Variants in EYS observed in about 807,000 individuals in gnomAD.
EYS encodes the protein protein eyes shut homolog.
Under a neutral mutation model 282.1 loss-of-function variants are expected in EYS, and 250 were observed. The ratio of observed to expected loss-of-function variants is 0.89; its 90% confidence interval spans 0.80 to 0.98. The LOEUF (loss-of-function observed/expected upper bound fraction) is 0.98. Ranked by LOEUF, EYS falls within the 50% of genes least tolerant of loss-of-function variation. The pLI, the probability that EYS is intolerant of heterozygous loss-of-function variation, is 0.00. For missense variants in EYS, 4,016 were observed against 3,709.0 expected (o/e 1.08, Z -2.15); for synonymous variants, 1,355 against 1,282.9 (o/e 1.06, Z -1.20).
intron 22 of EYS, among the ~76,000 whole-genome samples, chr6:64,658,008 T>A (rs1034205733): frequency 2.0e-5 from 3 of 152,178 alleles, no homozygotes; most frequent in African/African-American, 7.2e-5. Context: ...GATGTAGATT[T>A]GGTCTTTTCA....
chr6:65,162,475 G>A (rs1171573112), intron 12 of EYS, among the ~76,000 whole-genome samples: 1 of 151,158 alleles, frequency 6.6e-6, no homozygotes, highest in Non-Finnish European at 1.5e-5. Context: ...TTAGGCCTGT[G>A]ACTGTAAGTC....
At chr6:65,219,936 T>C (rs907289002) in intron 12 of EYS, among the ~76,000 whole-genome samples, 5 of 152,206 alleles carry the variant, frequency 3.3e-5, no homozygotes, top group Admixed American at 1.3e-4. Context: ...TCAATTATCT[T>C]GCACTGGGTC....
intron 12 of EYS, among the ~76,000 whole-genome samples, chr6:65,274,299 G>A (rs1767983206): frequency 6.6e-6 from 1 of 152,062 alleles, no homozygotes; most frequent in Non-Finnish European, 1.5e-5. Flanking sequence ...AAAAATGCAG[G>A]GGTGGTGATT....
intron 35 of EYS, among the ~76,000 whole-genome samples, chr6:63,938,132 T>A (rs1037903106): frequency 6.6e-6 from 1 of 152,156 alleles, no homozygotes; most frequent in Non-Finnish European, 1.5e-5. Flanking sequence ...TCTGCACAGA[T>A]GAAGATGAGA....
At chr6:64,082,070 A>G (rs1417422246) in intron 31 of EYS, 68 bp from the exon 32 acceptor site, 1 of 1,070,618 alleles carries the variant, frequency 9.3e-7, no homozygotes, top group East Asian at 2.7e-5. Context: ...ATAAAAACTT[A>G]GCATTTATAG....
At chr6:65,182,131 A>C (rs1023475070) in intron 12 of EYS, among the ~76,000 whole-genome samples, 6 of 151,894 alleles carry the variant, frequency 4.0e-5, no homozygotes, top group African/African-American at 1.2e-4. Flanking sequence ...TGGGTGCAGC[A>C]CACCAACATG....
At position 65,212,514 on chromosome 6, in the gene EYS, AT is replaced by A. The variant is rs536259896; in HGVS notation, c.2023+83348del. On this transcript the variant is annotated intron_variant, in intron 12 of 42. Transcript: ENST00000503581. ...TGTTAGCCACTAGTTATGTGTTACT[AT>A]TTAAACATAAATTTTAATTGATCTA... Among the ~76,000 whole-genome samples, 224 of 152,256 alleles carry A rather than the reference AT, an allele frequency of 1.5e-3. 1 individual carries two copies. Among genetic ancestry groups the A allele is most frequent in the African/African-American group, 4.8e-3 (199 of 41,566 alleles).
intron 4 of EYS, 97 bp downstream of exon 4, chr6:65,494,566 C>A: frequency 1.7e-6 from 2 of 1,174,342 alleles, no homozygotes; most frequent in South Asian, 1.5e-5. Context: ...CAGGTGTGAG[C>A]CACCGCATTT....
intron 26 of EYS, among the ~76,000 whole-genome samples, chr6:64,563,610 AT>A (rs1323238728): frequency 6.6e-6 from 1 of 152,106 alleles, no homozygotes; most frequent in African/African-American, 2.4e-5. Flanking sequence ...CATCATTGTA[AT>A]TAACTCATTT....
intron 36 of EYS, among the ~76,000 whole-genome samples, chr6:63,840,211 C>CTTATTATTATTATTATTA (rs377459471): frequency 1.1e-3 from 155 of 140,460 alleles, no homozygotes; most frequent in Middle Eastern, 7.2e-3. Flanking sequence ...CCATGCCCAT[C>CTTATTATTATTATTATTA]TTATTATTAT....
chr6:65,223,784 G>A (rs1766540487), intron 12 of EYS, among the ~76,000 whole-genome samples: 1 of 152,124 alleles, frequency 6.6e-6, no homozygotes, highest in African/African-American at 2.4e-5. Context: ...AGAAGAGACT[G>A]GGGAAGGAAA....
chr6:64,710,527 G>A (rs984943557), intron 22 of EYS, among the ~76,000 whole-genome samples: 7 of 152,194 alleles, frequency 4.6e-5, no homozygotes, highest in South Asian at 2.1e-4. Flanking sequence ...CCCTTGAGCC[G>A]CTTGCTCTGG....
At chr6:65,257,543 C>T (rs1767502276) in intron 12 of EYS, among the ~76,000 whole-genome samples, 2 of 150,030 alleles carry the variant, frequency 1.3e-5, no homozygotes, top group South Asian at 4.2e-4. Flanking sequence ...TTCCCCATTG[C>T]TTGTTTTTCT....
intron 12 of EYS, among the ~76,000 whole-genome samples, chr6:65,076,637 G>T (rs1031114379): frequency 1.1e-4 from 17 of 151,572 alleles, no homozygotes; most frequent in Non-Finnish European, 1.0e-4. Flanking sequence ...TCCTCAGAGT[G>T]CATTGATAAG....
chr6:64,422,714 C>A (rs915200970), intron 28 of EYS, among the ~76,000 whole-genome samples: 1 of 151,986 alleles, frequency 6.6e-6, no homozygotes, highest in Non-Finnish European at 1.5e-5. Flanking sequence ...CTTAATTGTT[C>A]TTAGAACGAT....
chr6:63,818,261 CTG>C (rs2149684571), intron 36 of EYS, among the ~76,000 whole-genome samples: 2 of 152,286 alleles, frequency 1.3e-5, no homozygotes, highest in Non-Finnish European at 2.9e-5. Flanking sequence ...TATATAACAA[CTG>C]TCATTTGATA....
chr6:64,537,062 T>A (rs1764539033), intron 26 of EYS, among the ~76,000 whole-genome samples: 1 of 151,600 alleles, frequency 6.6e-6, no homozygotes, highest in African/African-American at 2.4e-5. Context: ...AATGTGCAGG[T>A]TAGTTACATA....
At chr6:65,335,258 C>T (rs1769944696) in intron 10 of EYS, 112 bp from the exon 11 acceptor site, 1 of 804,614 alleles carries the variant, frequency 1.2e-6, no homozygotes, top group Non-Finnish European at 2.1e-6. Flanking sequence ...AAGATGAAAC[C>T]TAGGGTTAAG....
At chr6:65,251,108 T>A (rs1041059592) in intron 12 of EYS, among the ~76,000 whole-genome samples, 7 of 148,518 alleles carry the variant, frequency 4.7e-5, no homozygotes, top group Non-Finnish European at 1.5e-5. Flanking sequence ...TTTGTATGAA[T>A]AGACAAATGT....
Sources: allele counts gnomAD v4.1 joint callset (sites outside exome capture counted in the v4.1 genomes callset), GRCh38; gene constraint gnomAD v4.1.1; transcripts MANE v1.5; gene names NCBI Gene and HGNC (gene_info 2026-07-23, HGNC 2026-07-21).